The following ADGRL2 variants were observed in gnomAD, a reference collection of about 807,000 sequenced individuals.
ADGRL2 encodes calcium-independent alpha-latrotoxin receptor 2.
In ADGRL2, 44 loss-of-function variants were observed where a neutral mutation model predicts 157.4. The ratio of observed to expected loss-of-function variants is 0.28; its 90% confidence interval spans 0.22 to 0.36. The LOEUF is 0.36. ADGRL2 is among the 10% of genes least tolerant of loss of function. The pLI, the probability that ADGRL2 is intolerant of heterozygous loss-of-function variation, is 1.00. For synonymous variants in ADGRL2, 585 were observed against 624.7 expected (o/e 0.94, Z 0.95); for missense variants, 1,510 against 1,768.9 (o/e 0.85, Z 2.63).
At chr1:81,566,957 C>T (rs761204858) in intron 2 of ADGRL2, among the ~76,000 whole-genome samples, 25 of 152,050 alleles carry the variant, frequency 1.6e-4, no homozygotes, top group Non-Finnish European at 2.8e-4. Flanking sequence ...TAAATTTCAT[C>T]TGAGCAGCTC....
rs140565017 is a variant in ADGRL2, at chr1:81,967,121, G to A, written c.2349+512G>A. ...GATACTTACGTAACTACACTGTATTGGAAGATTGTCTACAGAATGTTTGGC... is the reference window on the plus strand; with the variant it reads ...GATACTTACGTAACTACACTGTATTAGAAGATTGTCTACAGAATGTTTGGC... On this transcript the variant is annotated intron_variant, in intron 13 of 23. Coordinates refer to ENST00000686636, the MANE Select transcript of ADGRL2 (RefSeq NM_001366006.2). 5.7e-3 allele frequency among the ~76,000 whole-genome samples: 861 copies of A among 152,228 alleles called. 3 individuals carry two copies. Among genetic ancestry groups the A allele is most frequent in the African/African-American group, 0.02 (816 of 41,542 alleles).
chr1:81,502,439 G>C, intron 2 of ADGRL2: 1 of 1,614,108 alleles, frequency 6.2e-7, no homozygotes, highest in South Asian at 1.1e-5. Context: ...TGAAAGGAAA[G>C]AGTTCCTGGA....
chr1:81,333,391 TTTAATTAA>T (rs756755985), intron 1 of ADGRL2, among the ~76,000 whole-genome samples: 11 of 147,288 alleles, frequency 7.5e-5, no homozygotes, highest in Non-Finnish European at 1.3e-4. Context: ...TCCTTGACTT[TTTAATTAA>T]TTAATTAATT....
chr1:81,636,618 A>T (rs1486673138), intron 3 of ADGRL2, among the ~76,000 whole-genome samples: 1 of 151,998 alleles, frequency 6.6e-6, no homozygotes, highest in East Asian at 1.9e-4. Context: ...ATACGTCCCC[A>T]TTTTCTGGCC....
intron 2 of ADGRL2, among the ~76,000 whole-genome samples, chr1:81,465,617 G>A (rs575283458): frequency 7.9e-5 from 12 of 151,968 alleles, no homozygotes; most frequent in Admixed American, 3.3e-4. Context: ...TCTAGATCCC[G>A]CAAATGTTGG....
intron 1 of ADGRL2, among the ~76,000 whole-genome samples, chr1:81,736,998 C>A (rs1349816826): frequency 2.0e-5 from 3 of 152,004 alleles, no homozygotes; most frequent in African/African-American, 7.3e-5. Context: ...CCATGCCCGG[C>A]TAATTTTTTG....
At chr1:81,452,035 A>T (rs1304479939) in intron 2 of ADGRL2, among the ~76,000 whole-genome samples, 1 of 152,000 alleles carries the variant, frequency 6.6e-6, no homozygotes, top group Non-Finnish European at 1.5e-5. Context: ...TTCTTGTTCA[A>T]CTTTCCCTTT....
chr1:81,570,275 G>GT (rs1414463646), intron 2 of ADGRL2, among the ~76,000 whole-genome samples: 3 of 152,086 alleles, frequency 2.0e-5, no homozygotes, highest in African/African-American at 7.2e-5. Context: ...GACAGTCTTG[G>GT]TTTTTTTGTC....
chr1:81,952,170 A>G, intron 9 of ADGRL2, 28 bp downstream of exon 9: 1 of 1,550,050 alleles, frequency 6.5e-7, no homozygotes, highest in Non-Finnish European at 8.8e-7. Context: ...GTTATTTTGA[A>G]TTAGACACTT....
At chr1:81,436,588 T>C (rs1183648358) in intron 1 of ADGRL2, among the ~76,000 whole-genome samples, 1 of 152,176 alleles carries the variant, frequency 6.6e-6, no homozygotes, top group African/African-American at 2.4e-5. Context: ...CAATAGAAGG[T>C]GATAGCCTGC....
chr1:81,512,064 G>A (rs987591734), intron 2 of ADGRL2, among the ~76,000 whole-genome samples: 5 of 152,024 alleles, frequency 3.3e-5, no homozygotes, highest in African/African-American at 1.2e-4. Context: ...AAGAGCAAAT[G>A]AGGAGATTTT....
intron 1 of ADGRL2, among the ~76,000 whole-genome samples, chr1:81,825,657 CAAAAAAA>C (rs71085375): frequency 1.2e-5 from 1 of 86,752 alleles, no homozygotes; most frequent in African/African-American, 4.1e-5. Context: ...ACCCTGTCTC[CAAAAAAA>C]AAAAAAAAAA....
At chr1:81,916,057 A>G (rs1387208920) in intron 3 of ADGRL2, among the ~76,000 whole-genome samples, 3 of 152,156 alleles carry the variant, frequency 2.0e-5, no homozygotes, top group Non-Finnish European at 4.4e-5. Flanking sequence ...ACATTTAAAC[A>G]AGTTAATTGA....
chr1:81,777,141 A>G (rs2086619351), intron 2 of ADGRL2, among the ~76,000 whole-genome samples: 1 of 152,194 alleles, frequency 6.6e-6, no homozygotes, highest in Non-Finnish European at 1.5e-5. Flanking sequence ...CTTCCCATCT[A>G]TATCTTCTGT....
intron 1 of ADGRL2, among the ~76,000 whole-genome samples, chr1:81,340,726 G>A (rs1283556025): frequency 1.3e-5 from 2 of 152,100 alleles, no homozygotes; most frequent in South Asian, 2.1e-4. Context: ...TCTCAGTGGT[G>A]TTTTAGAATT....
At chr1:81,426,604 GTT>G in intron 1 of ADGRL2, 2 of 477,406 alleles carry the variant, frequency 4.2e-6, no homozygotes, top group East Asian at 1.2e-4. Flanking sequence ...ACAGATGATA[GTT>G]TAAGAGAACA....
intron 2 of ADGRL2, among the ~76,000 whole-genome samples, chr1:81,472,207 A>G (rs2078185413): frequency 6.6e-6 from 1 of 152,252 alleles, no homozygotes; most frequent in Non-Finnish European, 1.5e-5. Flanking sequence ...ACTTTACTAG[A>G]TGATTTTTTT....
intron 1 of ADGRL2, among the ~76,000 whole-genome samples, chr1:81,392,656 G>T (rs12039008): frequency 0.43 from 64,863 of 151,922 alleles, 15,214 homozygotes; most frequent in East Asian, 0.87. Context: ...AAGAGACCAT[G>T]CCCAATAGTA....
At chr1:81,973,409 C>T (rs1659315900) in intron 17 of ADGRL2, among the ~76,000 whole-genome samples, 1 of 152,158 alleles carries the variant, frequency 6.6e-6, no homozygotes, top group African/African-American at 2.4e-5. Flanking sequence ...CCATTTTCCT[C>T]TAAGACCTTC....
Sources: allele counts gnomAD v4.1 joint callset (sites outside exome capture counted in the v4.1 genomes callset), GRCh38; gene constraint gnomAD v4.1.1; transcripts MANE v1.5; gene names NCBI Gene and HGNC (gene_info 2026-07-23, HGNC 2026-07-21).